The following LRRC4C variants were observed in gnomAD, a reference collection of about 807,000 sequenced individuals.
The protein encoded by LRRC4C is leucine-rich repeat-containing protein 4C.
A neutral mutation model predicts 33.6 loss-of-function variants in LRRC4C; 5 were observed. The ratio of observed to expected loss-of-function variants is 0.15; its 90% CI spans 0.08 to 0.31. LRRC4C has a LOEUF of 0.31. Ranked by LOEUF, LRRC4C falls within the 10% of genes least tolerant of loss-of-function variation. The probability of loss-of-function intolerance (pLI) is 1.00; values close to 1 mark genes in which losing one functional copy is unlikely to be tolerated. For synonymous variants in LRRC4C, 329 were observed against 302.0 expected, an observed-to-expected ratio of 1.09 and a Z score of -0.93; for missense variants, 560 against 796.7, an observed-to-expected ratio of 0.70 and a Z score of 3.58.
intron 5 of LRRC4C, among the ~76,000 whole-genome samples, chr11:40,211,162 T>C (rs890154179): frequency 2.0e-5 from 3 of 152,216 alleles, no homozygotes; most frequent in African/African-American, 7.2e-5. Context: ...TATCAGAACC[T>C]GAAATTATAT....
At chr11:40,694,822 T>A (rs140059088) in intron 2 of LRRC4C, among the ~76,000 whole-genome samples, 3 of 152,298 alleles carry the variant, frequency 2.0e-5, no homozygotes, top group Admixed American at 2.0e-4. Flanking sequence ...TTTCTAGGAA[T>A]AAGATGGGTG....
At chr11:41,215,021 T>TATAC (rs1946994570) in intron 1 of LRRC4C, among the ~76,000 whole-genome samples, 1 of 134,294 alleles carries the variant, frequency 7.4e-6, no homozygotes, top group Non-Finnish European at 1.6e-5. Context: ...CATGTATATA[T>TATAC]ATATATATAT....
chr11:41,201,368 G>A (rs1036319902), intron 1 of LRRC4C, among the ~76,000 whole-genome samples: 3 of 152,132 alleles, frequency 2.0e-5, no homozygotes, highest in African/African-American at 7.2e-5. Flanking sequence ...ACCTAGTGGC[G>A]GCTCTAGGTT....
intron 1 of LRRC4C, among the ~76,000 whole-genome samples, chr11:41,180,329 G>A (rs533684595): frequency 6.6e-5 from 10 of 152,284 alleles, no homozygotes; most frequent in African/African-American, 2.4e-4. Flanking sequence ...CATCCAGTGA[G>A]GTATTTCTTG....
chr11:40,907,561 A>G (rs1044210774), intron 2 of LRRC4C, among the ~76,000 whole-genome samples: 27 of 152,214 alleles, frequency 1.8e-4, no homozygotes, highest in Non-Finnish European at 3.8e-4. Context: ...TAAAAACTGC[A>G]TTGTGATTAT....
In LRRC4C at chr11:40,912,873, CA is replaced by C. The variant is rs561144945; in HGVS notation, c.-407+20761del. 4.6e-5 allele frequency among the ~76,000 whole-genome samples: 7 copies of C among 151,750 alleles called. No individual in the cohort carries two copies. In the East Asian group the frequency reaches 1.4e-3, roughly 29 times the overall value. On this transcript the variant is annotated intron_variant, in intron 2 of 6. Coordinates refer to ENST00000528697, the MANE Select transcript of LRRC4C (RefSeq NM_001258419.2). ...GAAGATCTACCAAGCCAATGGAAAA[CA>C]AAAAAAGGCAGGGGTTGCAATCCTA...
chr11:40,898,918 A>G (rs542656222), intron 2 of LRRC4C, among the ~76,000 whole-genome samples: 2 of 152,304 alleles, frequency 1.3e-5, no homozygotes, highest in Admixed American at 1.3e-4. Flanking sequence ...AAGATTCCCG[A>G]AAGAACTAGC....
In LRRC4C at chr11:41,060,756, C is replaced by T. The variant is rs1451016486; in HGVS notation, c.-495-127033G>A. 3.3e-5 allele frequency among the ~76,000 whole-genome samples: 5 copies of T among 152,214 alleles called. No homozygotes were observed. The East Asian group carries it at 9.7e-4, about 29-fold the overall frequency. On this transcript the variant is annotated intron_variant, in intron 1 of 6. Coordinates refer to ENST00000528697, the MANE Select transcript of LRRC4C (RefSeq NM_001258419.2). ...TCTTAAAACTATTTTTATTCTTCCTCATCTAACTTGTGACCAGTGATTCCA... is the reference window on the plus strand; with the variant it reads ...TCTTAAAACTATTTTTATTCTTCCTTATCTAACTTGTGACCAGTGATTCCA...
At chr11:41,246,989 T>A (rs1948475929) in intron 1 of LRRC4C, among the ~76,000 whole-genome samples, 1 of 152,202 alleles carries the variant, frequency 6.6e-6, no homozygotes, top group South Asian at 2.1e-4. Context: ...AATTTGGACA[T>A]CTTTCCACCC....
At position 40,115,409 on chromosome 11, in the gene LRRC4C, C is replaced by T. The variant is rs1386784730; in HGVS notation, c.884G>A (p.Arg295Gln). 12 of 1,614,140 alleles carry T rather than the reference C, an allele frequency of 7.4e-6. No homozygotes were observed. Among genetic ancestry groups the T allele is most frequent in the East Asian group, 2.2e-5 (1 of 44,870 alleles). ...DLFTPLHHLERIHLHHNPWNC... is the reference protein window; with the variant it reads ...DLFTPLHHLEQIHLHHNPWNC... ...CCAAGGGTTGTGATGTAAATGTATC[C>T]GCTCTAGATGATGCAAGGGAGTGAA... The change falls in exon 7 of 7, where the codon CGG becomes CAG. Residue 295 changes from arginine (R) to glutamine (Q), a missense_variant. By Grantham distance (43) the Arg-to-Gln change is conservative (BLOSUM62 1). Transcript: ENST00000528697. The surrounding 1 kb of genome is among the most constrained non-coding windows in gnomAD (Gnocchi z 6.7).
chr11:40,364,670 A>G (rs936959113), intron 3 of LRRC4C, among the ~76,000 whole-genome samples: 4 of 109,146 alleles, frequency 3.7e-5, no homozygotes, highest in Non-Finnish European at 8.0e-5. Flanking sequence ...AAGATTTTCA[A>G]AATTTAACAA....
intron 1 of LRRC4C, among the ~76,000 whole-genome samples, chr11:41,044,132 A>G (rs1368036744): frequency 6.6e-6 from 1 of 152,136 alleles, no homozygotes; most frequent in Non-Finnish European, 1.5e-5. Flanking sequence ...ACATGTTCCC[A>G]GGAAAATCTG....
intron 1 of LRRC4C, among the ~76,000 whole-genome samples, chr11:41,381,347 G>A (rs1953140096): frequency 6.6e-6 from 1 of 152,102 alleles, no homozygotes; most frequent in Admixed American, 6.6e-5. Context: ...AGAACAATAG[G>A]CCTGGTGCTG....
At chr11:40,354,435 G>A (rs936413656) in intron 3 of LRRC4C, among the ~76,000 whole-genome samples, 1 of 152,154 alleles carries the variant, frequency 6.6e-6, no homozygotes, top group African/African-American at 2.4e-5. Context: ...TGAGATCCCT[G>A]CTGGCCCAGG....
intron 5 of LRRC4C, among the ~76,000 whole-genome samples, chr11:40,176,749 C>T (rs568061192): frequency 6.6e-6 from 1 of 152,034 alleles, no homozygotes; most frequent in African/African-American, 2.4e-5. Flanking sequence ...TTATATTGCC[C>T]AGGCTGGTCT....
intron 5 of LRRC4C, among the ~76,000 whole-genome samples, chr11:40,232,704 T>C (rs1476092857): frequency 1.3e-5 from 2 of 152,104 alleles, no homozygotes; most frequent in Non-Finnish European, 2.9e-5. Context: ...ACAGTGAAAA[T>C]AAAATTTTCC....
intron 1 of LRRC4C, among the ~76,000 whole-genome samples, chr11:40,980,212 G>T (rs908330667): frequency 2.0e-5 from 3 of 152,150 alleles, no homozygotes; most frequent in African/African-American, 7.2e-5. Flanking sequence ...AAATGGGAAT[G>T]CCATCAGTTT....
At chr11:40,140,316 G>A (rs975785303) in intron 6 of LRRC4C, among the ~76,000 whole-genome samples, 3 of 152,116 alleles carry the variant, frequency 2.0e-5, no homozygotes, top group African/African-American at 7.2e-5. Flanking sequence ...TGCTACAGAA[G>A]GTAAATACGT....
intron 1 of LRRC4C, among the ~76,000 whole-genome samples, chr11:41,239,534 T>C (rs559931907): frequency 1.4e-4 from 21 of 152,212 alleles, no homozygotes; most frequent in Non-Finnish European, 2.8e-4. Flanking sequence ...GTACCCGGAA[T>C]TTATCTCCCC....
Sources: allele counts gnomAD v4.1 joint callset (sites outside exome capture counted in the v4.1 genomes callset), GRCh38; gene constraint gnomAD v4.1.1; non-coding constraint Gnocchi (gnomAD v3.1); transcripts MANE v1.5; gene names NCBI Gene and HGNC (gene_info 2026-07-23, HGNC 2026-07-21).